The following GFI1B variants were observed in gnomAD, a reference collection of about 807,000 sequenced individuals.
GFI1B encodes the protein growth factor independent 1B transcriptional repressor.
GFI1B carries 20 observed loss-of-function variants against 35.3 expected under a neutral mutation model. The ratio of observed to expected loss-of-function variants is 0.57; its 90% confidence interval spans 0.40 to 0.82. GFI1B has a LOEUF of 0.82. GFI1B is among the 40% of genes least tolerant of loss of function. The pLI, the probability that GFI1B is intolerant of heterozygous loss-of-function variation, is 0.00. For synonymous variants in GFI1B, 178 were observed against 177.6 expected, an observed-to-expected ratio of 1.00 and a Z score of -0.02; for missense variants, 430 against 446.3, an observed-to-expected ratio of 0.96 and a Z score of 0.33.
At position 132,991,522 on chromosome 9, in the gene GFI1B, C is replaced by G. The variant is rs1849293831; in HGVS notation, c.*472C>G. On this transcript the variant is annotated 3_prime_UTR_variant, in exon 7 of 7. Coordinates refer to ENST00000372122, the MANE Select transcript of GFI1B (RefSeq NM_001377304.1). Reference sequence around the variant, plus strand: ...ACCCCAGTCAGAAGCCTGGCACCCCCTCTGCTTCGGCCAGATGTGCTGGCT... The same window carrying G: ...ACCCCAGTCAGAAGCCTGGCACCCCGTCTGCTTCGGCCAGATGTGCTGGCT... The G allele has an allele frequency of 5.5e-6, 1 of 180,530 alleles. No homozygotes were observed. Among genetic ancestry groups the G allele is most frequent in the Admixed American group, 5.5e-5 (1 of 18,266 alleles). The allele number at this position is 180,530 out of a possible 1,614,324, so 11.2% of individuals were successfully genotyped here.
At chr9:132,986,592 G>A in intron 1 of GFI1B, 67 bp from the exon 2 acceptor site, 1 of 799,924 alleles carries the variant, frequency 1.3e-6, no homozygotes, top group South Asian at 1.4e-5. Context: ...TCAGGAGGAG[G>A]TTCTGAGATA....
chr9:132,952,634 C>T (rs66741343), intron 1 of GFI1B: 14,502 of 152,216 alleles, frequency 0.095, 751 homozygotes, highest in Admixed American at 0.12. Context: ...TAGAACTCTC[C>T]TCATTTGTCT....
downstream of GFI1B, among the ~76,000 whole-genome samples, chr9:132,992,597 T>G (rs372132014): frequency 8.7e-4 from 132 of 152,282 alleles, 4 homozygotes; most frequent in South Asian, 0.026. Context: ...TGCCGAGTTG[T>G]GAACATTCCT....
intron 1 of GFI1B, among the ~76,000 whole-genome samples, chr9:132,961,641 G>C (rs2132595907): frequency 6.6e-6 from 1 of 150,814 alleles, no homozygotes; most frequent in South Asian, 2.1e-4. Context: ...GCCCAGGCTG[G>C]AGTGCAGTGG....
At chr9:132,962,538 A>G in intron 1 of GFI1B, 1 of 513,664 alleles carries the variant, frequency 1.9e-6, no homozygotes, top group South Asian at 1.4e-5. Flanking sequence ...TTTGAGGATT[A>G]AGTGATTCCT....
chr9:132,973,285 G>C (rs950886091), intron 2 of GFI1B, among the ~76,000 whole-genome samples: 19 of 152,104 alleles, frequency 1.2e-4, no homozygotes, highest in Admixed American at 3.3e-4. Flanking sequence ...AATATCCCAC[G>C]ACCCCCGCAC....
chr9:132,973,592 C>T (rs553938386), intron 2 of GFI1B, among the ~76,000 whole-genome samples: 2 of 152,276 alleles, frequency 1.3e-5, no homozygotes, highest in African/African-American at 2.4e-5. Flanking sequence ...AGATGACTCC[C>T]TGGATTGTGG....
upstream of GFI1B, among the ~76,000 whole-genome samples, chr9:132,977,981 GTC>G (rs796461826): frequency 8.5e-5 from 13 of 152,284 alleles, 1 homozygote; most frequent in African/African-American, 3.1e-4. Flanking sequence ...CAAATTTGAT[GTC>G]TCTTCTGAGA....
At chr9:132,947,200 T>C (rs1346766330) in intron 1 of GFI1B, 1 of 152,080 alleles carries the variant, frequency 6.6e-6, no homozygotes, top group Non-Finnish European at 1.5e-5. Context: ...GTGGAGGACA[T>C]CTGCTGCATT....
At chr9:132,963,573 G>C (rs1169270303) in intron 1 of GFI1B, among the ~76,000 whole-genome samples, 1 of 151,818 alleles carries the variant, frequency 6.6e-6, no homozygotes, top group East Asian at 1.9e-4. Context: ...GCGTGATCTC[G>C]AACTCCTGAT....
At chr9:132,959,973 G>A (rs953348645) in intron 1 of GFI1B, among the ~76,000 whole-genome samples, 4 of 152,214 alleles carry the variant, frequency 2.6e-5, no homozygotes, top group Non-Finnish European at 4.4e-5. Flanking sequence ...CACGTTCTGC[G>A]GTTCCAGGTA....
intron 1 of GFI1B, chr9:132,951,697 G>A (rs1411569713): frequency 6.6e-6 from 1 of 152,184 alleles, no homozygotes; most frequent in Non-Finnish European, 1.5e-5. Flanking sequence ...TCTCTCTGCT[G>A]TCCAGCTCCT....
chr9:132,967,523 T>G (rs1226475003), intron 1 of GFI1B, among the ~76,000 whole-genome samples: 1 of 152,198 alleles, frequency 6.6e-6, no homozygotes, highest in Non-Finnish European at 1.5e-5. Flanking sequence ...GTCTGGATCC[T>G]GATTCTAAAA....
At chr9:132,977,657 C>T (rs1198693204), upstream of GFI1B, among the ~76,000 whole-genome samples, 5 of 152,032 alleles carry the variant, frequency 3.3e-5, no homozygotes, top group Non-Finnish European at 7.4e-5. Context: ...CGGGAGGAGG[C>T]GGGGGCCAGA....
chr9:132,977,156 C>T (rs1848654062), upstream of GFI1B, among the ~76,000 whole-genome samples: 1 of 152,138 alleles, frequency 6.6e-6, no homozygotes. Context: ...GGGGTTTCTC[C>T]ATGTTGGTCA....
intron 4 of GFI1B, 80 bp downstream of exon 4, chr9:132,988,548 C>A: frequency 1.5e-6 from 2 of 1,312,354 alleles, no homozygotes; most frequent in Non-Finnish European, 2.2e-6. Context: ...TCTGGGCGTT[C>A]TCTGTGCTGT....
intron 1 of GFI1B, chr9:132,953,770 A>C (rs1848238136): frequency 6.6e-6 from 1 of 151,368 alleles, no homozygotes; most frequent in South Asian, 2.1e-4. Context: ...ACATGGTGAA[A>C]CCCTGTCTCT....
At position 132,954,574 on chromosome 9, in the gene GFI1B, CAA is replaced by C. The variant is rs111946842; in HGVS notation, c.-701+8919_-701+8920del. 4.6e-4 allele frequency among the ~76,000 whole-genome samples: 49 copies of C among 107,674 alleles called. No individual in the cohort carries two copies. In the East Asian group the frequency reaches 7.4e-3, roughly 16 times the overall value. The allele number at this position is 107,674 out of a possible 152,430, so 70.6% of individuals were successfully genotyped here. A position where few individuals can be genotyped will look rare whatever the true frequency, so the allele number is the denominator to read the frequency against. ...TGGATAGCAGAGTAAGACTCTGTCT[CAA>C]AAAAAAAAAAAAAGAAAAGAAAAAG... On this transcript the variant is annotated intron_variant, in intron 1 of 10. Transcript: ENST00000339463.
intron 1 of GFI1B, chr9:132,951,676 T>C (rs1368132187): frequency 3.3e-5 from 5 of 152,256 alleles, no homozygotes; most frequent in Admixed American, 3.3e-4. Flanking sequence ...ATCCATATCA[T>C]AGCTGAAGGC....
Sources: allele counts gnomAD v4.1 joint callset (sites outside exome capture counted in the v4.1 genomes callset), GRCh38; gene constraint gnomAD v4.1.1; transcripts MANE v1.5; gene names NCBI Gene and HGNC (gene_info 2026-07-23, HGNC 2026-07-21).